WDTC1: variants seen among roughly 807,000 people sequenced by gnomAD.
WDTC1 encodes WD and tetratricopeptide repeats protein 1.
In WDTC1, 12 loss-of-function variants were observed where a neutral mutation model predicts 76.0. The observed-to-expected ratio is 0.16, with a 90% CI of 0.10 to 0.26. WDTC1 has a LOEUF of 0.26. WDTC1 is among the 10% of genes least tolerant of loss of function. The pLI is 1.00. For synonymous variants in WDTC1, 326 were observed against 350.8 expected, an observed-to-expected ratio of 0.93 and a Z score of 0.79; for missense variants, 511 against 908.8, an observed-to-expected ratio of 0.56 and a Z score of 5.63.
At chr1:27,300,990 A>G (rs1353375255) in intron 12 of WDTC1, among the ~76,000 whole-genome samples, 1 of 152,180 alleles carries the variant, frequency 6.6e-6, no homozygotes, top group East Asian at 1.9e-4. Context: ...GCAGCCTGAC[A>G]CCAGCTTTTG....
intron 1 of WDTC1, among the ~76,000 whole-genome samples, chr1:27,240,510 C>T (rs967562810): frequency 1.3e-5 from 2 of 152,052 alleles, no homozygotes; most frequent in Admixed American, 6.6e-5. Flanking sequence ...TCACTGATTG[C>T]CCTCAAGAGC....
At chr1:27,294,926 TCAG>T (rs2147982279) in intron 9 of WDTC1, among the ~76,000 whole-genome samples, 1 of 152,362 alleles carries the variant, frequency 6.6e-6, no homozygotes, top group East Asian at 1.9e-4. Context: ...GGCCTGCTGT[TCAG>T]CAGCTGTTTA....
At chr1:27,269,596 TTTG>T (rs1192096003) in intron 3 of WDTC1, among the ~76,000 whole-genome samples, 1 of 127,400 alleles carries the variant, frequency 7.8e-6, no homozygotes, top group Non-Finnish European at 1.6e-5. Flanking sequence ...CAGATTTTTT[TTTG>T]TTTTTTGTTT....
chr1:27,284,721 T>C (rs2013282041), intron 5 of WDTC1, among the ~76,000 whole-genome samples: 1 of 152,042 alleles, frequency 6.6e-6, no homozygotes, highest in African/African-American at 2.4e-5. Context: ...CGGTAAGACC[T>C]TGGGAACGGC....
At chr1:27,289,270 C>G (rs1231883055) in intron 6 of WDTC1, among the ~76,000 whole-genome samples, 1 of 143,876 alleles carries the variant, frequency 7.0e-6, no homozygotes, top group Admixed American at 6.9e-5. Flanking sequence ...TCAGACGGGG[C>G]GGCTGCCGGG....
intron 1 of WDTC1, among the ~76,000 whole-genome samples, chr1:27,250,921 C>G (rs1162606703): frequency 6.7e-6 from 1 of 148,200 alleles, no homozygotes; most frequent in Admixed American, 6.8e-5. Flanking sequence ...GGCTGGAGTG[C>G]AGTGGTGTGA....
At chr1:27,273,890 T>C (rs2012947781) in intron 3 of WDTC1, among the ~76,000 whole-genome samples, 1 of 152,054 alleles carries the variant, frequency 6.6e-6, no homozygotes, top group Admixed American at 6.6e-5. Flanking sequence ...AAAAAGATTA[T>C]TTAATTTATC....
chr1:27,281,702 A>G (rs2013196342), intron 3 of WDTC1, among the ~76,000 whole-genome samples: 1 of 151,820 alleles, frequency 6.6e-6, no homozygotes, highest in South Asian at 2.1e-4. Context: ...CATCCTCCCA[A>G]CCTCAGCCTC....
Position 27,305,253 on chromosome 1 carries a change from G to A in WDTC1, c.1836+60G>A. ...GGACTCTGTGGAAGGCTCCAGTGGA[G>A]CCTGCTAGCGCAGGGAAGAGAAATG... is the stretch of plus-strand genomic sequence containing the variant. On this transcript the variant is annotated intron_variant, in intron 15 of 15. Transcript: ENST00000319394. The surrounding 1 kb of genome is among the most constrained non-coding windows in gnomAD (Gnocchi z 4.6). 1 of 1,551,138 alleles carries A rather than the reference G, an allele frequency of 6.4e-7. No homozygotes were observed. Among genetic ancestry groups the A allele is most frequent in the Non-Finnish European group, 8.7e-7 (1 of 1,150,336 alleles).
chr1:27,264,644 TTTG>T (rs1271037735), intron 3 of WDTC1, among the ~76,000 whole-genome samples: 1 of 151,850 alleles, frequency 6.6e-6, no homozygotes, highest in Non-Finnish European at 1.5e-5. Flanking sequence ...TTTGTTTTGT[TTTG>T]TTTTGTTTTG....
chr1:27,292,270 G>C lies in WDTC1; in HGVS notation c.535G>C (p.Glu179Gln). Residue 179 changes from glutamate to glutamine, a missense_variant, in exon 7 of 16, where the codon GAG (glutamate) becomes CAG (glutamine). By Grantham distance (29) the Glu-to-Gln change is conservative. Coordinates refer to ENST00000319394, the MANE Select transcript of WDTC1 (RefSeq NM_001276252.2). ...KHSEVLIDLT[E>Q]YCGQLVEAKC... is the part of the protein sequence containing the mutation. ...CTCGGAGGTGCTGATTGACCTGACA[G>C]AGTACTGTGGCCAGCTGGTGGAGGC... 1 of 1,612,818 alleles carries C rather than the reference G, an allele frequency of 6.2e-7. No individual in the cohort carries two copies. The highest frequency in any genetic ancestry group is 8.5e-7 in the Non-Finnish European group (1 of 1,179,434).
chr1:27,251,700 G>A (rs2012069127), intron 1 of WDTC1, among the ~76,000 whole-genome samples: 1 of 152,098 alleles, frequency 6.6e-6, no homozygotes. Context: ...GTGCATGCCT[G>A]TAGTCCTAGC....
chr1:27,280,775 T>C (rs2013164001), intron 3 of WDTC1, among the ~76,000 whole-genome samples: 1 of 152,312 alleles, frequency 6.6e-6, no homozygotes. Context: ...TAAATGTGTA[T>C]ATGATGAATC....
chr1:27,303,703 G>T lies in WDTC1; in HGVS notation c.1551G>T (p.Met517Ile), dbSNP rs1212847156. The stretch of plus-strand genomic sequence containing the variant: ...AGGACTCCATCTCAGAGGATGAAAT[G>T]GTGCTGCGGGAGCGAAGCTACGACT... ...SRKDSISEDE[M>I]VLRERSYDYQ... The change falls in exon 14 of 16, where the codon ATG (methionine) becomes ATT (isoleucine). Residue 517 changes from methionine (M) to isoleucine (I), a missense_variant. Physicochemically the swap from Met to Ile is conservative, Grantham distance 10. Coordinates refer to ENST00000319394, the MANE Select transcript of WDTC1 (RefSeq NM_001276252.2). The surrounding 1 kb of genome is among the most constrained non-coding windows in gnomAD (Gnocchi z 4.8). 1.2e-6 allele frequency: 2 copies of T among 1,613,856 alleles called. No homozygotes were observed. Among genetic ancestry groups the T allele is most frequent in the Admixed American group, 1.7e-5 (1 of 59,964 alleles).
chr1:27,291,457 A>G (rs1214874012), intron 6 of WDTC1, among the ~76,000 whole-genome samples: 3 of 152,238 alleles, frequency 2.0e-5, no homozygotes, highest in African/African-American at 7.2e-5. Flanking sequence ...GGTGAACAGC[A>G]AAGAGGTGAT....
rs1327909255 is a variant in WDTC1, at chr1:27,308,587, A to G, written c.*2204A>G. The stretch of plus-strand genomic sequence containing the variant: ...TAGATATGTGTGTGTGTATATATAT[A>G]TAAAAAAAATGAACAAAAGTTTTAC... On this transcript the variant is annotated 3_prime_UTR_variant, in exon 16 of 16. Transcript: ENST00000319394. The G allele has an allele frequency of 1.3e-5, 2 of 152,196 alleles. No individual in the cohort carries two copies. The highest frequency in any genetic ancestry group is 4.8e-5 in the African/African-American group (2 of 41,456). The allele number at this position is 152,196 out of a possible 1,614,324, so 9.4% of individuals were successfully genotyped here.
Position 27,305,315 on chromosome 1 carries a change from A to T in WDTC1, c.1836+122A>T, listed in dbSNP as rs939849528. On this transcript the variant is annotated intron_variant, in intron 15 of 15. Transcript: ENST00000319394. The surrounding 1 kb of genome is among the most constrained non-coding windows in gnomAD (Gnocchi z 4.6). ...GGCTAGAAGCTGCTAAGTAAGCCTTACCCCGGGGCCCAAGGCTGTGTTCTC... is the reference window on the plus strand; with the variant it reads ...GGCTAGAAGCTGCTAAGTAAGCCTTTCCCCGGGGCCCAAGGCTGTGTTCTC... 1 of 1,235,242 alleles carries T rather than the reference A, an allele frequency of 8.1e-7. No homozygotes were observed. The highest frequency in any genetic ancestry group is 1.1e-6 in the Non-Finnish European group (1 of 918,200). The allele number at this position is 1,235,242 out of a possible 1,614,324, so 76.5% of individuals were successfully genotyped here.
intron 3 of WDTC1, 125 bp downstream of exon 3, chr1:27,263,360 T>A: frequency 1.3e-6 from 1 of 750,058 alleles, no homozygotes; most frequent in Non-Finnish European, 2.1e-6. Context: ...TGACAGTTAC[T>A]TCTCCTTCAG....
At position 27,306,149 on chromosome 1, in the gene WDTC1, C is replaced by T. The variant is rs370807983; in HGVS notation, c.1837-37C>T. 5.6e-6 allele frequency: 9 copies of T among 1,612,774 alleles called. No individual in the cohort carries two copies. In the African/African-American group the frequency reaches 6.7e-5, roughly 12 times the overall value. Reference sequence around the variant, plus strand: ...CGTGTACCCTGGTGCCTCTCCCTCCCTGAGCCCCACGTGTGTCACCCCTTT... The same window carrying T: ...CGTGTACCCTGGTGCCTCTCCCTCCTTGAGCCCCACGTGTGTCACCCCTTT... On this transcript the variant is annotated intron_variant, in intron 15 of 15. Coordinates refer to ENST00000319394, the MANE Select transcript of WDTC1 (RefSeq NM_001276252.2). The surrounding 1 kb of genome is among the most constrained non-coding windows in gnomAD (Gnocchi z 5.0).
Sources: gnomAD v4.1 joint callset for allele counts (sites outside exome capture counted in the v4.1 genomes callset) on GRCh38, gnomAD v4.1.1 for gene constraint, Gnocchi (gnomAD v3.1) non-coding constraint, MANE v1.5 for transcripts, NCBI Gene and HGNC (gene_info 2026-07-23, HGNC 2026-07-21) for gene names.